The following TMEM132D variants were observed in gnomAD, a reference collection of about 807,000 sequenced individuals.
TMEM132D encodes the protein mature OL transmembrane protein.
A neutral mutation model predicts 62.3 loss-of-function variants in TMEM132D; 21 were observed. That is an observed-to-expected ratio of 0.34 (90% CI 0.24 to 0.49). TMEM132D has a LOEUF of 0.49. Among genes scored for constraint, TMEM132D ranks in the 20% least tolerant of loss-of-function variants. TMEM132D has a pLI of 0.99. For synonymous variants in TMEM132D, 621 were observed against 575.6 expected (o/e 1.08, Z -1.13); for missense variants, 1,346 against 1,402.8 (o/e 0.96, Z 0.65).
At chr12:129,300,336 A>G (rs4759607) in intron 4 of TMEM132D, among the ~76,000 whole-genome samples, 91,207 of 152,078 alleles carry the variant, frequency 0.6, 28,844 homozygotes, top group East Asian at 0.99. Context: ...GAACGTCATC[A>G]ATCTATTGAG....
At chr12:129,556,342 C>T (rs561089585) in intron 2 of TMEM132D, among the ~76,000 whole-genome samples, 6 of 152,156 alleles carry the variant, frequency 3.9e-5, no homozygotes, top group South Asian at 2.1e-4. Context: ...ACACCTGGAT[C>T]GGCACCGAGC....
chr12:129,586,628 T>A (rs975063849), intron 2 of TMEM132D, among the ~76,000 whole-genome samples: 8 of 152,172 alleles, frequency 5.3e-5, no homozygotes, highest in African/African-American at 1.9e-4. Context: ...CGGGCACTAA[T>A]CCCATTCCTG....
intron 2 of TMEM132D, among the ~76,000 whole-genome samples, chr12:129,649,414 C>CA (rs1879865409): frequency 6.6e-6 from 1 of 152,124 alleles, no homozygotes; most frequent in South Asian, 2.1e-4. Flanking sequence ...AAAGCACCCC[C>CA]ACACAGGGTA....
chr12:129,094,314 T>A (rs1160589099), intron 5 of TMEM132D, among the ~76,000 whole-genome samples: 5 of 151,810 alleles, frequency 3.3e-5, no homozygotes, highest in Non-Finnish European at 7.4e-5. Context: ...GAATCTACAA[T>A]GAACTCAAAC....
intron 4 of TMEM132D, among the ~76,000 whole-genome samples, chr12:129,222,146 C>G (rs1157016333): frequency 6.6e-6 from 1 of 152,150 alleles, no homozygotes; most frequent in Non-Finnish European, 1.5e-5. Flanking sequence ...ATTCTTCTAC[C>G]TTTGGGGAGG....
At chr12:129,099,688 A>G (rs1036194925) in intron 5 of TMEM132D, among the ~76,000 whole-genome samples, 8 of 152,274 alleles carry the variant, frequency 5.3e-5, no homozygotes. Context: ...AGGAATTCTC[A>G]GCAGATGCAG....
At chr12:129,217,222 T>TA (rs1250665378) in intron 4 of TMEM132D, among the ~76,000 whole-genome samples, 2 of 152,052 alleles carry the variant, frequency 1.3e-5, no homozygotes, top group East Asian at 1.9e-4. Context: ...TATACAGCCA[T>TA]AAAAAAGAAC....
chr12:129,437,467 G>A (rs1049878325), intron 3 of TMEM132D, among the ~76,000 whole-genome samples: 4 of 152,170 alleles, frequency 2.6e-5, no homozygotes, highest in African/African-American at 9.7e-5. Context: ...GAATGAACGG[G>A]CATGGCCAGT....
At chr12:129,098,167 C>A (rs1051533665) in intron 5 of TMEM132D, among the ~76,000 whole-genome samples, 9 of 152,142 alleles carry the variant, frequency 5.9e-5, no homozygotes, top group African/African-American at 2.2e-4. Context: ...CCGTAATAGC[C>A]AAGACAATGT....
chr12:129,646,100 C>T (rs1021710122), intron 2 of TMEM132D, among the ~76,000 whole-genome samples: 2 of 152,198 alleles, frequency 1.3e-5, no homozygotes, highest in Non-Finnish European at 2.9e-5. Context: ...TTTCACTTTA[C>T]TCTGTTGGCT....
intron 1 of TMEM132D, among the ~76,000 whole-genome samples, chr12:129,888,176 A>G (rs1874804472): frequency 6.6e-6 from 1 of 152,208 alleles, no homozygotes; most frequent in Non-Finnish European, 1.5e-5. Context: ...TTTAATCACA[A>G]CAGTAATTTC....
chr12:129,425,775 C>T (rs11060336), intron 3 of TMEM132D, among the ~76,000 whole-genome samples: 45,058 of 151,926 alleles, frequency 0.3, 7,710 homozygotes, highest in East Asian at 0.48. Context: ...CTTCATTGTG[C>T]GTAAACAATA....
intron 5 of TMEM132D, among the ~76,000 whole-genome samples, chr12:129,182,419 A>T (rs1878092978): frequency 6.6e-6 from 1 of 152,214 alleles, no homozygotes; most frequent in East Asian, 1.9e-4. Flanking sequence ...TTCACCCTGC[A>T]ACCAGAACAT....
chr12:129,466,899 C>A (rs1873926660), intron 3 of TMEM132D, among the ~76,000 whole-genome samples: 1 of 152,140 alleles, frequency 6.6e-6, no homozygotes, highest in Admixed American at 6.5e-5. Context: ...TCCAGGTTTG[C>A]ATGAACAGAG....
At chr12:129,376,721 C>T (rs1870791519) in intron 3 of TMEM132D, among the ~76,000 whole-genome samples, 1 of 152,170 alleles carries the variant, frequency 6.6e-6, no homozygotes, top group Admixed American at 6.5e-5. Flanking sequence ...TGAATAATCC[C>T]TGAGCAGACA....
chr12:129,121,432 C>T (rs1416716685), intron 5 of TMEM132D, among the ~76,000 whole-genome samples: 1 of 152,106 alleles, frequency 6.6e-6, no homozygotes, highest in Non-Finnish European at 1.5e-5. Context: ...GGAGATTAGC[C>T]TAAATTATCC....
At chr12:129,297,419 G>T (rs540667547) in intron 4 of TMEM132D, among the ~76,000 whole-genome samples, 15 of 152,306 alleles carry the variant, frequency 9.8e-5, no homozygotes, top group Non-Finnish European at 1.8e-4. Flanking sequence ...GGGATTTACA[G>T]GAAAGATATT....
intron 3 of TMEM132D, among the ~76,000 whole-genome samples, chr12:129,488,118 C>T (rs565950264): frequency 6.6e-6 from 1 of 152,156 alleles, no homozygotes; most frequent in South Asian, 2.1e-4. Context: ...TCTCACCACG[C>T]ACCAATGCCG....
At chr12:129,314,980 G>A (rs1202875200) in intron 4 of TMEM132D, among the ~76,000 whole-genome samples, 2 of 152,078 alleles carry the variant, frequency 1.3e-5, no homozygotes, top group South Asian at 4.1e-4. Context: ...CTTCTGATGT[G>A]TGTACATTAA....
Sources: gnomAD v4.1 joint callset for allele counts (sites outside exome capture counted in the v4.1 genomes callset) on GRCh38, gnomAD v4.1.1 for gene constraint, MANE v1.5 for transcripts, NCBI Gene and HGNC (gene_info 2026-07-23, HGNC 2026-07-21) for gene names.